The following DPY19L1 variants were observed in gnomAD, a reference collection of about 807,000 sequenced individuals.
The protein encoded by DPY19L1 is protein C-mannosyl-transferase DPY19L1.
DPY19L1 carries 35 observed loss-of-function variants against 96.9 expected under a neutral mutation model. The ratio of observed to expected loss-of-function variants is 0.36; its 90% confidence interval spans 0.28 to 0.48. The LOEUF (loss-of-function observed/expected upper bound fraction) is 0.48, where lower values mean the gene tolerates loss of function less well. Ranked by LOEUF, DPY19L1 falls within the 20% of genes least tolerant of loss-of-function variation. DPY19L1 has a pLI of 0.99. For missense variants in DPY19L1, 521 were observed against 777.9 expected (o/e 0.67, Z 3.93); for synonymous variants, 205 against 252.6 (o/e 0.81, Z 1.79).
rs1341563511 is a variant in DPY19L1, at chr7:34,976,660, T to C, written c.823-3055A>G. Among the ~76,000 whole-genome samples, 3 of 152,210 alleles carry C rather than the reference T, an allele frequency of 2.0e-5. No homozygotes were observed. In the East Asian group the frequency reaches 5.8e-4, roughly 29 times the overall value. On this transcript the variant is annotated intron_variant, in intron 7 of 21. Transcript: ENST00000638088. ...TCAATCAATACAGCAAATTTCATTG[T>C]TATCTTATTTTAAGAAATTGCCACA... is the stretch of plus-strand genomic sequence containing the variant.
At chr7:34,959,930 TA>T (rs1784467077) in intron 10 of DPY19L1, among the ~76,000 whole-genome samples, 1 of 57,240 alleles carries the variant, frequency 1.7e-5, no homozygotes, top group Non-Finnish European at 4.0e-5. Context: ...TATATTTATA[TA>T]TATATATATA....
chr7:35,037,994 C>G (rs1410276715), upstream of DPY19L1: 1 of 1,028,778 alleles, frequency 9.7e-7, no homozygotes, highest in African/African-American at 1.7e-5. Context: ...CCCGCGCAGG[C>G]GAGACGCGGC....
At chr7:35,016,993 CTGTTTTTT>C (rs563139004) in intron 3 of DPY19L1, among the ~76,000 whole-genome samples, 90 of 151,220 alleles carry the variant, frequency 6.0e-4, no homozygotes, top group Non-Finnish European at 8.7e-4. Flanking sequence ...AACACATCAA[CTGTTTTTT>C]TGTTTTTTTT....
intron 7 of DPY19L1, among the ~76,000 whole-genome samples, chr7:34,977,974 CTG>C (rs1225755440): frequency 6.6e-6 from 1 of 151,956 alleles, no homozygotes; most frequent in African/African-American, 2.4e-5. Context: ...CAACATAATA[CTG>C]TGTAGATATT....
At chr7:35,036,810 G>T (rs1786413517) in intron 1 of DPY19L1, among the ~76,000 whole-genome samples, 1 of 151,916 alleles carries the variant, frequency 6.6e-6, no homozygotes, top group Non-Finnish European at 1.5e-5. Flanking sequence ...CCTGCTGCCC[G>T]CGGCCAGGCC....
intron 6 of DPY19L1, among the ~76,000 whole-genome samples, chr7:34,994,632 G>T (rs990244094): frequency 6.6e-6 from 1 of 151,806 alleles, no homozygotes; most frequent in Admixed American, 6.6e-5. Context: ...GGTGAAAACC[G>T]TCTCTACTAA....
intron 6 of DPY19L1, 85 bp from the exon 7 acceptor site, chr7:34,990,026 C>CT: frequency 9.7e-7 from 1 of 1,034,890 alleles, no homozygotes; most frequent in Non-Finnish European, 1.4e-6. Context: ...ATCATAACCA[C>CT]TGGTATTATA....
intron 1 of DPY19L1, among the ~76,000 whole-genome samples, chr7:35,031,151 T>G (rs1472182853): frequency 6.6e-6 from 1 of 152,172 alleles, no homozygotes. Flanking sequence ...CAATGTAGAT[T>G]TAGTCAGTCC....
chr7:34,929,079 A>C lies in DPY19L1; in HGVS notation c.*2494T>G, dbSNP rs1197437757. 2 of 152,368 alleles carry C rather than the reference A, an allele frequency of 1.3e-5. No homozygotes were observed. Among genetic ancestry groups the C allele is most frequent in the African/African-American group, 4.8e-5 (2 of 41,590 alleles). The allele number at this position is 152,368 out of a possible 1,614,324, so 9.4% of individuals were successfully genotyped here. A position where few individuals can be genotyped will look rare whatever the true frequency, so the allele number is the denominator to read the frequency against. ...TTTTAGAGGCTTATCTTTTTAAAGA[A>C]ATACAGCCCCAACTTTGTTTTCGAA... is the stretch of plus-strand genomic sequence containing the variant. On this transcript the variant is annotated 3_prime_UTR_variant, in exon 22 of 22. Coordinates refer to ENST00000638088, the MANE Select transcript of DPY19L1 (RefSeq NM_001366673.1).
At chr7:35,034,121 G>A (rs1163808011) in intron 1 of DPY19L1, among the ~76,000 whole-genome samples, 5 of 152,088 alleles carry the variant, frequency 3.3e-5, no homozygotes, top group Non-Finnish European at 5.9e-5. Flanking sequence ...GCAAAGGGGG[G>A]AAAAGGTAGT....
At chr7:35,031,470 A>G (rs2128683794) in intron 1 of DPY19L1, among the ~76,000 whole-genome samples, 1 of 152,338 alleles carries the variant, frequency 6.6e-6, no homozygotes, top group Non-Finnish European at 1.5e-5. Context: ...GTTACTAAGT[A>G]ACAACTTGCC....
intron 10 of DPY19L1, among the ~76,000 whole-genome samples, chr7:34,966,039 AT>A (rs1003089781): frequency 1.0e-3 from 150 of 150,006 alleles, no homozygotes; most frequent in African/African-American, 3.5e-3. Context: ...CTTTTTTTGT[AT>A]TTTTTTTTAA....
At chr7:34,934,411 C>T (rs533804616) in intron 21 of DPY19L1, among the ~76,000 whole-genome samples, 20 of 152,280 alleles carry the variant, frequency 1.3e-4, no homozygotes, top group Non-Finnish European at 2.6e-4. Context: ...ATCTATTCTA[C>T]TGTTTTTAAA....
intron 18 of DPY19L1, chr7:34,940,760 T>C (rs1319979776): frequency 5.9e-6 from 1 of 168,138 alleles, no homozygotes. Flanking sequence ...ACACTTTCTA[T>C]TAGGTTGGTG....
intron 6 of DPY19L1, among the ~76,000 whole-genome samples, chr7:34,993,105 C>T (rs139529697): frequency 6.6e-6 from 1 of 152,306 alleles, no homozygotes; most frequent in African/African-American, 2.4e-5. Flanking sequence ...GTATTCTGAT[C>T]TAATTTGCGG....
intron 1 of DPY19L1, among the ~76,000 whole-genome samples, chr7:35,029,120 C>T (rs1297886719): frequency 6.6e-6 from 1 of 152,200 alleles, no homozygotes; most frequent in African/African-American, 2.4e-5. Context: ...TCTGGTAATG[C>T]AGCCTGGTAG....
At position 34,966,944 on chromosome 7, in the gene DPY19L1, C is replaced by A; in HGVS notation, c.1042G>T (p.Val348Phe). 1.3e-6 allele frequency: 2 copies of A among 1,539,788 alleles called. No homozygotes were observed. Among genetic ancestry groups the A allele is most frequent in the Middle Eastern group, 1.7e-4 (1 of 5,836 alleles). The change falls in exon 10 of 22, where the codon GTC becomes TTC. Residue 348 changes from valine to phenylalanine, a missense_variant. By Grantham distance (50) the Val-to-Phe change is conservative. Transcript: ENST00000638088. ...QIASLFAVYVVGYIDICKLRK... is the reference protein window; with the variant it reads ...QIASLFAVYVFGYIDICKLRK... The stretch of plus-strand genomic sequence containing the variant: ...AATTTACATATATCAATGTACCCGA[C>A]AACATATACTGCAAATAATGATGCA...
chr7:34,961,628 A>G (rs1174676137), intron 10 of DPY19L1, among the ~76,000 whole-genome samples: 1 of 152,216 alleles, frequency 6.6e-6, no homozygotes, highest in Admixed American at 6.5e-5. Flanking sequence ...CAATTTATGA[A>G]AGAAACAATT....
chr7:34,965,763 G>C (rs1266708721), intron 10 of DPY19L1, among the ~76,000 whole-genome samples: 2 of 152,084 alleles, frequency 1.3e-5, no homozygotes, highest in African/African-American at 2.4e-5. Context: ...ACTAATGAGA[G>C]AAGACAATGT....
Sources: allele counts gnomAD v4.1 joint callset (sites outside exome capture counted in the v4.1 genomes callset), GRCh38; gene constraint gnomAD v4.1.1; transcripts MANE v1.5; gene names NCBI Gene and HGNC (gene_info 2026-07-23, HGNC 2026-07-21).